SLC25A29: variants seen among roughly 807,000 people sequenced by gnomAD.
SLC25A29 encodes the protein solute carrier family 25 member 29.
Under a neutral mutation model 10.0 loss-of-function variants are expected in SLC25A29, and 13 were observed. The observed-to-expected ratio is 1.30, with a 90% CI of 0.85 to 2.07. SLC25A29 has a LOEUF of 2.07. Ranked by LOEUF, SLC25A29 falls within the 30% of genes most tolerant of loss-of-function variation. The probability of loss-of-function intolerance (pLI) is 0.00; values close to 1 mark genes in which losing one functional copy is unlikely to be tolerated. For missense variants in SLC25A29, 475 were observed against 447.6 expected, an observed-to-expected ratio of 1.06 and a Z score of -0.55; for synonymous variants, 244 against 221.1, an observed-to-expected ratio of 1.10 and a Z score of -0.92.
chr14:100,281,806 G>C, the SLC25A29 span: 16 of 152,344 alleles, frequency 1.1e-4, no homozygotes, highest in African/African-American at 3.8e-4. Context: ...GATGGTTTAA[G>C]TGCAGGCCCT....
chr14:100,281,616 A>G, the SLC25A29 span: 1 of 152,186 alleles, frequency 6.6e-6, no homozygotes, highest in Admixed American at 6.5e-5. Flanking sequence ...CTGGCCATGC[A>G]CTTCTTAGCC....
At chr14:100,300,786 C>A (rs1167288561) in intron 1 of SLC25A29, among the ~76,000 whole-genome samples, 1 of 152,214 alleles carries the variant, frequency 6.6e-6, no homozygotes, top group African/African-American at 2.4e-5. Flanking sequence ...TTTGCTGGAA[C>A]AACTGAGGGA....
chr14:100,306,206 G>A lies in SLC25A29; in HGVS notation c.27C>T (p.Cys9=), dbSNP rs1469153011. ...GGCCCGCCGCCTCCTTACCCCCCGCGCATCCAGCCAAGAAGTCCAGCGCCA... is the reference window on the plus strand; with the variant it reads ...GGCCCGCCGCCTCCTTACCCCCCGCACATCCAGCCAAGAAGTCCAGCGCCA... MALDFLAG[C]AGGVAGVLVG... The change falls in exon 1 of 4, where the codon TGC becomes TGT. Residue 9 remains cysteine (C), a synonymous_variant. Coordinates refer to ENST00000359232, the MANE Select transcript of SLC25A29 (RefSeq NM_001039355.3). 1.3e-6 allele frequency: 2 copies of A among 1,509,914 alleles called. No individual in the cohort carries two copies. The highest frequency in any genetic ancestry group is 1.8e-6 in the Non-Finnish European group (2 of 1,136,346). The allele number at this position is 1,509,914 out of a possible 1,614,324, so 93.5% of individuals were successfully genotyped here.
At chr14:100,305,897 G>C (rs541532949) in intron 1 of SLC25A29, 166 of 339,008 alleles carry the variant, frequency 4.9e-4, no homozygotes, top group African/African-American at 3.3e-3. Flanking sequence ...CCTCGGCGCG[G>C]GGGGCAGTGG....
intron 3 of SLC25A29, 48 bp from the exon 4 acceptor site, chr14:100,293,080 G>A: frequency 6.8e-7 from 1 of 1,480,702 alleles, no homozygotes; most frequent in Non-Finnish European, 8.9e-7. Context: ...CACCTCCCGG[G>A]CCCTCCACGC....
chr14:100,288,020 CCA>C (rs1566788351), downstream of SLC25A29, among the ~76,000 whole-genome samples: 1 of 152,112 alleles, frequency 6.6e-6, no homozygotes, highest in Non-Finnish European at 1.5e-5. Context: ...AAGGGGTGTG[CCA>C]CAGTGTGTTT....
chr14:100,282,937 C>G, the SLC25A29 span: 13 of 152,342 alleles, frequency 8.5e-5, no homozygotes, highest in African/African-American at 2.9e-4. Context: ...TTCTCACACA[C>G]AGGACTGGGA....
chr14:100,289,835 C>CAAAA (rs56694140), downstream of SLC25A29, among the ~76,000 whole-genome samples: 21 of 96,486 alleles, frequency 2.2e-4, no homozygotes, highest in African/African-American at 7.2e-4. Flanking sequence ...GAGCAAGACT[C>CAAAA]AAAAAAAAAA....
At chr14:100,304,057 C>T (rs1183626780) in intron 1 of SLC25A29, among the ~76,000 whole-genome samples, 3 of 152,108 alleles carry the variant, frequency 2.0e-5, no homozygotes, top group East Asian at 1.9e-4. Flanking sequence ...ATGCTGGCCC[C>T]GCCTCCCTGA....
At chr14:100,290,630 G>A (rs1566789462), downstream of SLC25A29, among the ~76,000 whole-genome samples, 2 of 152,198 alleles carry the variant, frequency 1.3e-5, no homozygotes, top group African/African-American at 4.8e-5. Flanking sequence ...AGGTGAGGTG[G>A]GCAGTGAGAC....
rs1892074445 is a variant in SLC25A29, at chr14:100,295,459, C to T, written c.79-2082G>A. 1.8e-5 allele frequency: 12 copies of T among 651,882 alleles called. No individual in the cohort carries two copies. In the South Asian group the frequency reaches 2.1e-4, roughly 11 times the overall value. 40.4% of individuals were successfully genotyped at this position (651,882 alleles called of 1,614,324 possible). Reference sequence around the variant, plus strand: ...ATGAGGACCCCCAATCCAGAGGGGGCTGATTTTTTTTGGCCAGCCCGAGCC... The same window carrying T: ...ATGAGGACCCCCAATCCAGAGGGGGTTGATTTTTTTTGGCCAGCCCGAGCC... On this transcript the variant is annotated intron_variant, in intron 2 of 3. Coordinates refer to ENST00000359232, the MANE Select transcript of SLC25A29 (RefSeq NM_001039355.3).
chr14:100,301,578 C>T (rs537367156), intron 1 of SLC25A29, among the ~76,000 whole-genome samples: 3 of 151,974 alleles, frequency 2.0e-5, no homozygotes, highest in South Asian at 2.1e-4. Flanking sequence ...GGCACGATCT[C>T]GACTCACTGC....
At position 100,292,770 on chromosome 14, in the gene SLC25A29, T is replaced by C; in HGVS notation, c.425A>G (p.Tyr142Cys). ...KGSLDCLAQI[Y>C]GHEGLRGVNR... is the part of the protein sequence containing the mutation. ...GACGCCACGCAGACCCTCGTGCCCG[T>C]AGATCTGCGCGAGGCAGTCCAGCGA... The change falls in exon 4 of 4, where the codon TAC (tyrosine) becomes TGC (cysteine). Residue 142 changes from tyrosine to cysteine, a missense_variant. By Grantham distance (194) the Tyr-to-Cys change is radical. Coordinates refer to ENST00000359232, the MANE Select transcript of SLC25A29 (RefSeq NM_001039355.3). 2 of 1,600,548 alleles carry C rather than the reference T, an allele frequency of 1.2e-6. No individual in the cohort carries two copies. The highest frequency in any genetic ancestry group is 8.5e-7 in the Non-Finnish European group (1 of 1,175,032).
At chr14:100,299,183 G>A (rs1178217433) in intron 1 of SLC25A29, 1 of 1,298,660 alleles carries the variant, frequency 7.7e-7, no homozygotes, top group African/African-American at 1.5e-5. Context: ...GCTGACAGCA[G>A]AAGTTGTCCC....
chr14:100,296,605 T>C (rs1252748184), intron 2 of SLC25A29: 2 of 152,244 alleles, frequency 1.3e-5, no homozygotes, highest in African/African-American at 4.8e-5. Context: ...CTTTCCTTCT[T>C]TTTTCTTTTT....
At chr14:100,286,163 C>T (rs1161678300), downstream of SLC25A29, among the ~76,000 whole-genome samples, 1 of 152,198 alleles carries the variant, frequency 6.6e-6, no homozygotes, top group African/African-American at 2.4e-5. Context: ...CCTGGCAAAA[C>T]CCAACCTGGC....
downstream of SLC25A29, among the ~76,000 whole-genome samples, chr14:100,289,680 T>C (rs1891617475): frequency 6.6e-6 from 1 of 151,736 alleles, no homozygotes; most frequent in Non-Finnish European, 1.5e-5. Context: ...CTGTCTCTAA[T>C]AAAAATAGAA....
At chr14:100,299,538 G>C (rs1379748603) in intron 1 of SLC25A29, 2 of 986,166 alleles carry the variant, frequency 2.0e-6, no homozygotes, top group Non-Finnish European at 2.4e-6. Context: ...GCTTGTGACT[G>C]TGCGGTCATC....
intron 2 of SLC25A29, chr14:100,295,479 C>G (rs1001833042): frequency 1.0e-6 from 1 of 964,370 alleles, no homozygotes; most frequent in Non-Finnish European, 1.4e-6. Flanking sequence ...TTGGCCAGCC[C>G]GAGCCCCCAC....
Sources: gnomAD v4.1 joint callset for allele counts (sites outside exome capture counted in the v4.1 genomes callset) on GRCh38, gnomAD v4.1.1 for gene constraint, MANE v1.5 for transcripts, NCBI Gene and HGNC (gene_info 2026-07-23, HGNC 2026-07-21) for gene names.